The following BTC variants were observed in gnomAD, a reference collection of about 807,000 sequenced individuals.
The protein encoded by BTC is probetacellulin.
BTC carries 13 observed loss-of-function variants against 18.1 expected under a neutral mutation model. The observed-to-expected ratio is 0.72, with a 90% CI of 0.47 to 1.14. BTC has a LOEUF of 1.14. Among genes scored for constraint, BTC ranks in the 50% most tolerant of loss-of-function variants. BTC has a pLI of 0.00. For missense variants in BTC, 247 were observed against 224.2 expected, an observed-to-expected ratio of 1.10 and a Z score of -0.65; for synonymous variants, 83 against 79.4, an observed-to-expected ratio of 1.05 and a Z score of -0.24.
In BTC at chr4:74,746,459, C is replaced by G. The variant is rs569811291; in HGVS notation, c.*218G>C. Reference sequence around the variant, plus strand: ...TGAAATTTCCCTTCTGTTGTTGCTACCTAACCAGTTGCTTTTTTCCCAATT... The same window carrying G: ...TGAAATTTCCCTTCTGTTGTTGCTAGCTAACCAGTTGCTTTTTTCCCAATT... On this transcript the variant is annotated 3_prime_UTR_variant, in exon 6 of 6. Transcript: ENST00000395743. 1.3e-5 allele frequency: 2 copies of G among 152,504 alleles called. No individual in the cohort carries two copies. The highest frequency in any genetic ancestry group is 4.8e-5 in the African/African-American group (2 of 41,394). The allele number at this position is 152,504 out of a possible 1,614,324, so 9.4% of individuals were successfully genotyped here.
intron 1 of BTC, among the ~76,000 whole-genome samples, chr4:74,789,725 A>G (rs1167976071): frequency 1.3e-5 from 2 of 152,244 alleles, no homozygotes; most frequent in African/African-American, 4.8e-5. Context: ...ACATTGCATC[A>G]TCATCCATTA....
chr4:74,786,358 T>C (rs1725478234), intron 1 of BTC, among the ~76,000 whole-genome samples: 1 of 152,180 alleles, frequency 6.6e-6, no homozygotes, highest in African/African-American at 2.4e-5. Context: ...CAAAGATCTG[T>C]GTGTAATGTG....
rs189789366 is a variant in BTC, at chr4:74,783,502, G to A, written c.64+10760C>T. 7.9e-5 allele frequency among the ~76,000 whole-genome samples: 12 copies of A among 151,180 alleles called. No homozygotes were observed. The East Asian group carries it at 2.1e-3, about 27-fold the overall frequency. On this transcript the variant is annotated intron_variant, in intron 1 of 5. Coordinates refer to ENST00000395743, the MANE Select transcript of BTC (RefSeq NM_001729.4). The stretch of plus-strand genomic sequence containing the variant: ...GTACCATACTGTTTTGGTTACGGTA[G>A]CCCTGCAGTGTAGTTTGAAGTTGGG...
At chr4:74,779,271 C>G (rs1042079865) in intron 1 of BTC, among the ~76,000 whole-genome samples, 2 of 152,136 alleles carry the variant, frequency 1.3e-5, no homozygotes, top group African/African-American at 4.8e-5. Flanking sequence ...ATTTAACAAC[C>G]TGTCATACAC....
At chr4:74,757,664 T>TA (rs1441858192) in intron 2 of BTC, among the ~76,000 whole-genome samples, 1 of 152,152 alleles carries the variant, frequency 6.6e-6, no homozygotes, top group African/African-American at 2.4e-5. Flanking sequence ...ATAGAATAAA[T>TA]AAAAAACAAG....
intron 2 of BTC, among the ~76,000 whole-genome samples, chr4:74,758,025 G>A (rs1553956939): frequency 6.6e-6 from 1 of 152,184 alleles, no homozygotes; most frequent in Non-Finnish European, 1.5e-5. Flanking sequence ...TCTCATATAA[G>A]TATGAAGAAT....
chr4:74,758,166 G>A (rs1263981697), intron 2 of BTC, among the ~76,000 whole-genome samples: 3 of 152,196 alleles, frequency 2.0e-5, no homozygotes, highest in Non-Finnish European at 4.4e-5. Context: ...CAGGCAGTGG[G>A]AGGCAGATTT....
intron 1 of BTC, among the ~76,000 whole-genome samples, chr4:74,775,143 C>A (rs1255878940): frequency 1.3e-5 from 2 of 152,050 alleles, no homozygotes; most frequent in Non-Finnish European, 2.9e-5. Flanking sequence ...TGTGGCTCAT[C>A]TAGAGGGCAG....
chr4:74,777,438 T>C (rs973214595), intron 1 of BTC, among the ~76,000 whole-genome samples: 1 of 152,224 alleles, frequency 6.6e-6, no homozygotes, highest in East Asian at 1.9e-4. Flanking sequence ...CATAAGTGGA[T>C]ACTGACAAAT....
Position 74,746,121 on chromosome 4 carries a change from G to A in BTC, c.*556C>T, listed in dbSNP as rs1260540111. On this transcript the variant is annotated 3_prime_UTR_variant, in exon 6 of 6. Coordinates refer to ENST00000395743, the MANE Select transcript of BTC (RefSeq NM_001729.4). ...AACAAAAATGATGGTTAAGAGCATA[G>A]ATTTTGATTTAGATAAATCTTGATT... is the stretch of plus-strand genomic sequence containing the variant. 1.3e-5 allele frequency: 2 copies of A among 152,166 alleles called. No individual in the cohort carries two copies. Among genetic ancestry groups the A allele is most frequent in the African/African-American group, 4.8e-5 (2 of 41,444 alleles). The allele number at this position is 152,166 out of a possible 1,614,324, so 9.4% of individuals were successfully genotyped here.
intron 1 of BTC, among the ~76,000 whole-genome samples, chr4:74,778,243 C>A (rs149278159): frequency 1.1e-4 from 16 of 152,192 alleles, no homozygotes; most frequent in African/African-American, 3.6e-4. Context: ...AATTCTTGAG[C>A]AGATTTTTGT....
intron 4 of BTC, 116 bp downstream of exon 4, chr4:74,750,457 A>G (rs7673066): frequency 0.63 from 690,411 of 1,088,094 alleles, 223,048 homozygotes; most frequent in Non-Finnish European, 0.67. Context: ...TCAAAAAGTA[A>G]ATTTATTTGA....
chr4:74,752,546 A>G (rs907703602), intron 3 of BTC, among the ~76,000 whole-genome samples: 1 of 151,858 alleles, frequency 6.6e-6, no homozygotes, highest in Non-Finnish European at 1.5e-5. Context: ...TGCCCAGCTA[A>G]TTCTTATATT....
chr4:74,771,736 T>G (rs1449539408), intron 1 of BTC, among the ~76,000 whole-genome samples: 1 of 152,222 alleles, frequency 6.6e-6, no homozygotes, highest in Non-Finnish European at 1.5e-5. Flanking sequence ...GTACTGCTTT[T>G]CTTGAGAACA....
At chr4:74,749,483 A>AT (rs1553955857) in intron 4 of BTC, among the ~76,000 whole-genome samples, 24 of 143,740 alleles carry the variant, frequency 1.7e-4, no homozygotes, top group African/African-American at 5.9e-4. Flanking sequence ...ACTCTGTCTC[A>AT]AAATAAATAA....
At chr4:74,750,492 G>A (rs1577946518) in intron 4 of BTC, 81 bp downstream of exon 4, 3 of 1,404,426 alleles carry the variant, frequency 2.1e-6, no homozygotes, top group East Asian at 4.7e-5. Context: ...AAAAGAGAAT[G>A]TAAAGAGGAA....
rs782749174 is a variant in BTC, at chr4:74,755,843, A to C, written c.281+16T>G. ...TCTGCACCCTTTTGCTTGCTGGCTG[A>C]GGACACTCCACTTACACACAGGAGG... is the stretch of plus-strand genomic sequence containing the variant. On this transcript the variant is annotated intron_variant, in intron 3 of 5. Transcript: ENST00000395743. The C allele has an allele frequency of 2.5e-6, 4 of 1,611,492 alleles. No individual in the cohort carries two copies. The highest frequency in any genetic ancestry group is 3.4e-6 in the Non-Finnish European group (4 of 1,177,904).
rs929186736 is a variant in BTC, at chr4:74,745,892, A to T, written c.*785T>A. ...TTTAATAATGTAAAAATGTAGTCACATCATTGAGAATTTATAAAGGAGCAA... is the reference window on the plus strand; with the variant it reads ...TTTAATAATGTAAAAATGTAGTCACTTCATTGAGAATTTATAAAGGAGCAA... On this transcript the variant is annotated 3_prime_UTR_variant, in exon 6 of 6. Coordinates refer to ENST00000395743, the MANE Select transcript of BTC (RefSeq NM_001729.4). The T allele has an allele frequency of 1.3e-5, 2 of 152,232 alleles. No homozygotes were observed. The highest frequency in any genetic ancestry group is 2.9e-5 in the Non-Finnish European group (2 of 68,042). 9.4% of individuals were successfully genotyped at this position (152,232 alleles called of 1,614,324 possible).
intron 3 of BTC, among the ~76,000 whole-genome samples, chr4:74,751,926 A>G (rs145102419): frequency 9.8e-4 from 149 of 152,336 alleles, no homozygotes; most frequent in African/African-American, 3.4e-3. Flanking sequence ...ATACATAATT[A>G]TTCAAAGGTC....
Sources: gnomAD v4.1 joint callset for allele counts (sites outside exome capture counted in the v4.1 genomes callset) on GRCh38, gnomAD v4.1.1 for gene constraint, MANE v1.5 for transcripts, NCBI Gene and HGNC (gene_info 2026-07-23, HGNC 2026-07-21) for gene names.